CCAR1: variants seen among roughly 807,000 people sequenced by gnomAD.
CCAR1 encodes cell division cycle and apoptosis regulator 1.
CCAR1 carries 78 observed loss-of-function variants against 163.8 expected under a neutral mutation model. The ratio of observed to expected loss-of-function variants is 0.48; its 90% CI spans 0.40 to 0.57. The LOEUF is 0.57. Among genes scored for constraint, CCAR1 ranks in the 20% least tolerant of loss-of-function variants. The pLI is 0.00. For missense variants in CCAR1, 1,019 were observed against 1,365.2 expected (o/e 0.75, Z 4.00); for synonymous variants, 443 against 460.7 (o/e 0.96, Z 0.49).
chr10:68,772,911 G>C (rs2056620895), intron 18 of CCAR1, 77 bp from the exon 19 acceptor site: 4 of 691,436 alleles, frequency 5.8e-6, no homozygotes, highest in Middle Eastern at 4.3e-4. Flanking sequence ...ACGGGTTGGA[G>C]ACCAGCGTGG....
At chr10:68,730,341 A>G (rs2056019365) in intron 2 of CCAR1, among the ~76,000 whole-genome samples, 3 of 149,714 alleles carry the variant, frequency 2.0e-5, no homozygotes, top group African/African-American at 7.4e-5. Context: ...ATATATATAT[A>G]TATATTTATT....
chr10:68,775,697 T>C (rs1166783657), intron 19 of CCAR1, among the ~76,000 whole-genome samples: 11 of 123,466 alleles, frequency 8.9e-5, no homozygotes, highest in Admixed American at 1.7e-4. Context: ...CTTTTTTTTT[T>C]TTTTTTTTTT....
rs540971993 is a variant in CCAR1 at position 68,773,436 on chromosome 10, G to A, written c.2650+337G>A. On this transcript the variant is annotated intron_variant, in intron 19 of 24. Coordinates refer to ENST00000265872, the MANE Select transcript of CCAR1 (RefSeq NM_018237.4). ...CCAGCACTTTGGGAGGCCAAGGCAG[G>A]TGATCATTTGAGGTCAAGAGTTCCA... is the stretch of plus-strand genomic sequence containing the variant. Among the ~76,000 whole-genome samples, 9 of 152,252 alleles carry A rather than the reference G, an allele frequency of 5.9e-5. No individual in the cohort carries two copies. The South Asian group carries it at 1.7e-3, about 28-fold the overall frequency.
intron 17 of CCAR1, among the ~76,000 whole-genome samples, chr10:68,768,109 G>T (rs975380215): frequency 1.3e-5 from 2 of 152,104 alleles, no homozygotes; most frequent in African/African-American, 4.8e-5. Context: ...TTACCAACTG[G>T]TAAGATGAAA....
chr10:68,764,016 C>T (rs1432304804), intron 16 of CCAR1, among the ~76,000 whole-genome samples: 1 of 152,116 alleles, frequency 6.6e-6, no homozygotes, highest in Non-Finnish European at 1.5e-5. Flanking sequence ...CTCCCAACCC[C>T]TTTCAGTGAA....
chr10:68,740,097 ATGAC>A (rs2056163905), intron 4 of CCAR1, among the ~76,000 whole-genome samples: 1 of 152,190 alleles, frequency 6.6e-6, no homozygotes, highest in African/African-American at 2.4e-5. Context: ...AATTGGATTG[ATGAC>A]CAGTGATATT....
chr10:68,733,225 C>T (rs1376968735), intron 2 of CCAR1, among the ~76,000 whole-genome samples: 1 of 150,598 alleles, frequency 6.6e-6, no homozygotes. Flanking sequence ...GCCTGGGCAA[C>T]ATAGTGGGAC....
chr10:68,740,688 T>C, intron 5 of CCAR1, 27 bp downstream of exon 5: 1 of 1,584,838 alleles, frequency 6.3e-7, no homozygotes, highest in Non-Finnish European at 8.6e-7. Context: ...TTATTTGTTT[T>C]GGATGTCTGA....
rs751292083 is a variant in CCAR1 at position 68,737,825 on chromosome 10, A to AT, written c.247-11dup. 300 of 1,520,918 alleles carry AT rather than the reference A, an allele frequency of 2.0e-4. No homozygotes were observed. Among genetic ancestry groups the AT allele is most frequent in the Non-Finnish European group, 2.3e-4 (257 of 1,115,456 alleles). The allele number at this position is 1,520,918 out of a possible 1,614,324, so 94.2% of individuals were successfully genotyped here. Reference sequence around the variant, plus strand: ...TAGTGTCTGTATTTTTCTTTGAAAAATTTTTTTTTAATCTTTCAGCAATAT... The same window carrying AT: ...TAGTGTCTGTATTTTTCTTTGAAAAATTTTTTTTTTAATCTTTCAGCAATAT... On this transcript the variant is annotated intron_variant, in intron 3 of 24. Coordinates refer to ENST00000265872, the MANE Select transcript of CCAR1 (RefSeq NM_018237.4).
intron 2 of CCAR1, among the ~76,000 whole-genome samples, chr10:68,735,340 CT>C (rs2056094346): frequency 6.8e-6 from 1 of 148,094 alleles, no homozygotes. Flanking sequence ...CAAAGTGAGA[CT>C]CTGTCTCAAA....
At position 68,768,046 on chromosome 10, in the gene CCAR1, C is replaced by T. The variant is rs374373677; in HGVS notation, c.2298+1967C>T. Among the ~76,000 whole-genome samples, 49 of 151,956 alleles carry T rather than the reference C, an allele frequency of 3.2e-4. No homozygotes were observed. In the South Asian group the frequency reaches 0.01, roughly 32 times the overall value. On this transcript the variant is annotated intron_variant, in intron 17 of 24. Coordinates refer to ENST00000265872, the MANE Select transcript of CCAR1 (RefSeq NM_018237.4). ...AACATATCTTATGTTCTTTTATTTT[C>T]TAAATTATATTGGAAAAATCAATCA...
intron 23 of CCAR1, among the ~76,000 whole-genome samples, chr10:68,789,096 A>G (rs1589196957): frequency 6.6e-6 from 1 of 151,292 alleles, no homozygotes; most frequent in East Asian, 2.0e-4. Context: ...TTTTTAGTAG[A>G]GACAGGGTTT....
In CCAR1 at chr10:68,727,062, A is replaced by AT. The variant is rs565069348; in HGVS notation, c.73+4496dup. ...CAAAGCTGGATCAGGCCTAAACTAG[A>AT]TTTTTTTTTTTGTTTTTTTTTTTTT... On this transcript the variant is annotated intron_variant, in intron 2 of 24. Coordinates refer to ENST00000265872, the MANE Select transcript of CCAR1 (RefSeq NM_018237.4). Among the ~76,000 whole-genome samples the AT allele has an allele frequency of 7.2e-3, 998 of 138,166 alleles. 11 individuals carry two copies. The highest frequency in any genetic ancestry group is 0.019 in the African/African-American group (720 of 37,396). 90.6% of individuals were successfully genotyped at this position (138,166 alleles called of 152,430 possible).
At chr10:68,775,770 C>T (rs2133409718) in intron 19 of CCAR1, among the ~76,000 whole-genome samples, 1 of 138,400 alleles carries the variant, frequency 7.2e-6, no homozygotes, top group South Asian at 2.4e-4. Flanking sequence ...AATCTCAGCT[C>T]ACTGCAACCT....
rs2056851508 is a variant in CCAR1, at chr10:68,791,498, T to C, written c.*232T>C. ...AGTGAAATAATTTTGCATTGCAAAGTGTTTTAGGATGAACTTTGTTATAGT... is the reference window on the plus strand; with the variant it reads ...AGTGAAATAATTTTGCATTGCAAAGCGTTTTAGGATGAACTTTGTTATAGT... On this transcript the variant is annotated 3_prime_UTR_variant, in exon 25 of 25. Coordinates refer to ENST00000265872, the MANE Select transcript of CCAR1 (RefSeq NM_018237.4). The C allele has an allele frequency of 3.4e-6, 1 of 290,446 alleles. No individual in the cohort carries two copies. The highest frequency in any genetic ancestry group is 1.0e-4 in the South Asian group (1 of 9,774). 18.0% of individuals were successfully genotyped at this position (290,446 alleles called of 1,614,324 possible).
intron 19 of CCAR1, among the ~76,000 whole-genome samples, chr10:68,776,030 CAT>C (rs2133410315): frequency 6.6e-6 from 1 of 151,718 alleles, no homozygotes; most frequent in South Asian, 2.1e-4. Context: ...GGGGTTTCAC[CAT>C]GTTGGCCAGG....
rs753314250 is a variant in CCAR1 at position 68,771,481 on chromosome 10, T to C, written c.2538+36T>C. The stretch of plus-strand genomic sequence containing the variant: ...ACAACCTGCTTTAGAAGCTTTCAGT[T>C]ACTCTTCTAGGTTATAAAGGTTGAT... On this transcript the variant is annotated intron_variant, in intron 18 of 24. Transcript: ENST00000265872. 13 of 1,518,718 alleles carry C rather than the reference T, an allele frequency of 8.6e-6. No homozygotes were observed. In the South Asian group the frequency reaches 1.4e-4, roughly 16 times the overall value. 94.1% of individuals were successfully genotyped at this position (1,518,718 alleles called of 1,614,324 possible). A position where few individuals can be genotyped will look rare whatever the true frequency, so the allele number is the denominator to read the frequency against.
intron 4 of CCAR1, among the ~76,000 whole-genome samples, 165 bp from the exon 5 acceptor site, chr10:68,740,464 A>C (rs1001449143): frequency 2.0e-5 from 3 of 152,172 alleles, no homozygotes; most frequent in Non-Finnish European, 4.4e-5. Flanking sequence ...TGAGCTCAGG[A>C]GTTCAAGACT....
chr10:68,768,031 A>G (rs2056556848), intron 17 of CCAR1, among the ~76,000 whole-genome samples: 1 of 152,138 alleles, frequency 6.6e-6, no homozygotes, highest in Non-Finnish European at 1.5e-5. Context: ...AACATATCTT[A>G]TGTTCTTTTA....
Sources: gnomAD v4.1 joint callset for allele counts (sites outside exome capture counted in the v4.1 genomes callset) on GRCh38, gnomAD v4.1.1 for gene constraint, MANE v1.5 for transcripts, NCBI Gene and HGNC (gene_info 2026-07-23, HGNC 2026-07-21) for gene names.